PCDH11X: variants seen among roughly 807,000 people sequenced by gnomAD.
PCDH11X encodes the protein protocadherin 11 X-linked, also known as protocadherin-11 X-linked.
Under a neutral mutation model 53.3 loss-of-function variants are expected in PCDH11X, and 18 were observed. The observed-to-expected ratio is 0.34, with a 90% CI of 0.23 to 0.50. The LOEUF (loss-of-function observed/expected upper bound fraction) is 0.50. Ranked by LOEUF, PCDH11X falls within the 20% of genes least tolerant of loss-of-function variation. The pLI is 0.98. For missense variants in PCDH11X, 570 were observed against 1,032.4 expected (o/e 0.55, Z 6.14); for synonymous variants, 279 against 393.3 (o/e 0.71, Z 3.44).
At chrX:92,461,869 A>T (rs1376871829) in intron 9 of PCDH11X, among the ~76,000 whole-genome samples, 13 of 112,038 alleles carry the variant, frequency 1.2e-4, no homozygotes, top group African/African-American at 4.2e-4. Flanking sequence ...ATAGGAAAAA[A>T]GGTGATTAAT....
intron 6 of PCDH11X, among the ~76,000 whole-genome samples, chrX:92,116,131 A>G (rs1332258848): frequency 2.1e-4 from 24 of 112,327 alleles, no homozygotes; most frequent in African/African-American, 7.8e-4. Flanking sequence ...AGTTAGCTCA[A>G]CACTTAGCTT....
chrX:91,884,005 C>G (rs1380763177), intron 6 of PCDH11X: 1 of 487,250 alleles, frequency 2.1e-6, no homozygotes, highest in African/African-American at 2.9e-5. Flanking sequence ...GTCTGGCCAA[C>G]ATGGCGAAAC....
chrX:92,071,138 C>G (rs1480525081), intron 6 of PCDH11X, among the ~76,000 whole-genome samples: 1 of 108,709 alleles, frequency 9.2e-6, no homozygotes, highest in Admixed American at 9.9e-5. Flanking sequence ...CCTTTTTAGG[C>G]TATTTCCTAG....
chrX:91,959,366 T>C (rs1489056588), intron 6 of PCDH11X, among the ~76,000 whole-genome samples: 1 of 111,409 alleles, frequency 9.0e-6, no homozygotes, highest in Non-Finnish European at 1.9e-5. Flanking sequence ...GTAGTCACTA[T>C]GCGGTATTTT....
At chrX:92,267,538 T>A (rs5984917) in intron 8 of PCDH11X, among the ~76,000 whole-genome samples, 19,584 of 111,378 alleles carry the variant, frequency 0.18, 2,688 homozygotes, top group East Asian at 0.51. Flanking sequence ...AGCAGTGAAA[T>A]TGTTTGATCC....
intron 10 of PCDH11X, among the ~76,000 whole-genome samples, chrX:92,568,422 C>CA (rs759874029): frequency 0.016 from 1,281 of 80,077 alleles, 15 homozygotes; most frequent in African/African-American, 0.045. Context: ...ACTCTGTCTC[C>CA]AAAAAAAAAA....
intron 5 of PCDH11X, among the ~76,000 whole-genome samples, chrX:91,837,228 A>G (rs1364108781): frequency 9.0e-6 from 1 of 110,804 alleles, no homozygotes; most frequent in Non-Finnish European, 1.9e-5. Flanking sequence ...ATGGAAGGCT[A>G]CAAACCTCTT....
rs748002137 is a variant in PCDH11X, at chrX:92,548,843, ATTAT to A, written c.3368-69419_3368-69416del. Among the ~76,000 whole-genome samples, 897 of 109,356 alleles carry A rather than the reference ATTAT, an allele frequency of 8.2e-3. 12 individuals are homozygous for A. The highest frequency in any genetic ancestry group is 0.029 in the African/African-American group (869 of 30,188). 95.0% of individuals were successfully genotyped at this position (109,356 alleles called of 115,157 possible). On this transcript the variant is annotated intron_variant, in intron 10 of 10. Coordinates refer to ENST00000682573, the MANE Select transcript of PCDH11X (RefSeq NM_032968.5). ...TGCAAGCATTACTAGAGTTATTAAA[ATTAT>A]TCATTTTAAATTATTAAAATTATGT...
At chrX:92,486,238 T>G (rs1268368117) in intron 10 of PCDH11X, among the ~76,000 whole-genome samples, 2 of 111,419 alleles carry the variant, frequency 1.8e-5, no homozygotes, top group South Asian at 7.4e-4. Flanking sequence ...TATGAACACT[T>G]GCATTATGGT....
chrX:92,473,244 A>G (rs1212325271), intron 10 of PCDH11X, among the ~76,000 whole-genome samples: 3 of 108,475 alleles, frequency 2.8e-5, no homozygotes, highest in Non-Finnish European at 5.7e-5. Flanking sequence ...ATTTATTGGC[A>G]TATAGTTGCT....
chrX:92,426,376 C>T (rs1225872173), intron 9 of PCDH11X, among the ~76,000 whole-genome samples: 1 of 105,648 alleles, frequency 9.5e-6, no homozygotes, highest in African/African-American at 3.4e-5. Flanking sequence ...AAAAACAATG[C>T]AAGGTAGAGA....
Position 92,531,503 on chromosome X carries a change from C to T in PCDH11X, c.3367+63181C>T, listed in dbSNP as rs758977640. On this transcript the variant is annotated intron_variant, in intron 10 of 10. Transcript: ENST00000682573. The stretch of plus-strand genomic sequence containing the variant: ...CTTAAGCCATCTTATTTGCTATTAA[C>T]AATGAGTATCATGCTATGAAAATTT... 1.0e-4 allele frequency among the ~76,000 whole-genome samples: 11 copies of T among 110,506 alleles called. No homozygotes were observed. In the South Asian group the frequency reaches 3.4e-3, roughly 35 times the overall value.
chrX:91,947,626 G>A (rs1019510623), intron 6 of PCDH11X, among the ~76,000 whole-genome samples: 2 of 99,346 alleles, frequency 2.0e-5, no homozygotes, highest in Non-Finnish European at 4.1e-5. Context: ...ACTACAGGAT[G>A]AGGCTCTCAG....
intron 9 of PCDH11X, among the ~76,000 whole-genome samples, chrX:92,419,275 C>CTTTTTTTTTTTTTTGTTTTT (rs200748988): frequency 3.4e-5 from 3 of 88,938 alleles, no homozygotes; most frequent in South Asian, 5.9e-4. Flanking sequence ...TTTTTTTGTT[C>CTTTTTTTTTTTTTTGTTTTT]TTTTTTTTTT....
rs1172754701 is a variant in PCDH11X at position 91,819,707 on chromosome X, C to G, written c.-45+8412C>G. On this transcript the variant is annotated intron_variant, in intron 4 of 10. Coordinates refer to ENST00000682573, the MANE Select transcript of PCDH11X (RefSeq NM_032968.5). ...TTATTATACTTTAAGTTTTAGGGTA[C>G]ATGTGCACATTGTGCAGGTTAGTTA... Among the ~76,000 whole-genome samples the G allele has an allele frequency of 3.0e-5, 3 of 100,445 alleles. No individual in the cohort carries two copies. In the East Asian group the frequency reaches 9.2e-4, roughly 31 times the overall value. The allele number at this position is 100,445 out of a possible 115,157, so 87.2% of individuals were successfully genotyped here.
chrX:92,349,554 A>G (rs1160449033), intron 8 of PCDH11X, among the ~76,000 whole-genome samples: 1 of 102,292 alleles, frequency 9.8e-6, no homozygotes, highest in Non-Finnish European at 2.0e-5. Context: ...ATACTTTACC[A>G]TGTTCTACAA....
chrX:92,469,192 A>G (rs376271004), intron 10 of PCDH11X, among the ~76,000 whole-genome samples: 10 of 103,878 alleles, frequency 9.6e-5, no homozygotes, highest in African/African-American at 3.5e-4. Context: ...TCCGTCATAA[A>G]CCTGAATTGT....
intron 6 of PCDH11X, among the ~76,000 whole-genome samples, chrX:91,929,227 T>A (rs1942043047): frequency 9.0e-6 from 1 of 111,239 alleles, no homozygotes; most frequent in Non-Finnish European, 1.9e-5. Context: ...ACCATTTTGA[T>A]CATTACTGTG....
At chrX:92,360,913 A>G (rs1395888200) in intron 8 of PCDH11X, among the ~76,000 whole-genome samples, 1 of 105,647 alleles carries the variant, frequency 9.5e-6, no homozygotes, top group Non-Finnish European at 2.0e-5. Flanking sequence ...CTACAAATTC[A>G]TACTTCTAAC....
Sources: gnomAD v4.1 joint callset for allele counts (sites outside exome capture counted in the v4.1 genomes callset) on GRCh38, gnomAD v4.1.1 for gene constraint, MANE v1.5 for transcripts, NCBI Gene and HGNC (gene_info 2026-07-23, HGNC 2026-07-21) for gene names.